Variants in ARHGAP15 observed in about 807,000 individuals in gnomAD.
The protein encoded by ARHGAP15 is Rho GTPase activating protein 15, also known as rho GTPase-activating protein 15.
In ARHGAP15, 51 loss-of-function variants were observed where a neutral mutation model predicts 63.7. That is an observed-to-expected ratio of 0.80 (90% CI 0.64 to 1.01). The LOEUF is 1.01. Ranked by LOEUF, ARHGAP15 falls within the 50% of genes least tolerant of loss-of-function variation. The pLI is 0.00. For missense variants in ARHGAP15, 560 were observed against 564.6 expected, an observed-to-expected ratio of 0.99 and a Z score of 0.08; for synonymous variants, 191 against 193.8, an observed-to-expected ratio of 0.99 and a Z score of 0.12.
In ARHGAP15 at chr2:143,487,396, T is replaced by C. The variant is rs1559004055; in HGVS notation, c.727T>C (p.Ser243Pro). Residue 243 changes from serine to proline, a missense_variant, in exon 9 of 14, where the codon TCC (serine) becomes CCC (proline). By Grantham distance (74) the Ser-to-Pro change is moderately conservative. Coordinates refer to ENST00000295095, the MANE Select transcript of ARHGAP15 (RefSeq NM_018460.4). ...AGTGTTCAGACTGCATCACAGTGCT[T>C]CCGATACAAGCGACAAAAATCGAGT... The part of the protein sequence containing the change: ...SLMFRLHHSA[S>P]DTSDKNRVKS... The C allele has an allele frequency of 6.2e-7, 1 of 1,613,772 alleles. No homozygotes were observed. The highest frequency in any genetic ancestry group is 8.5e-7 in the Non-Finnish European group (1 of 1,179,870).
intron 11 of ARHGAP15, among the ~76,000 whole-genome samples, chr2:143,602,016 A>G (rs186076620): frequency 6.6e-6 from 1 of 152,298 alleles, no homozygotes; most frequent in African/African-American, 2.4e-5. Context: ...AAAATCAGCT[A>G]GTCTTTTTTT....
chr2:143,636,086 CTTGAGTGTCCAGCAGGTGAAAGG>C (rs1680297740), intron 12 of ARHGAP15, among the ~76,000 whole-genome samples: 1 of 152,080 alleles, frequency 6.6e-6, no homozygotes, highest in African/African-American at 2.4e-5. Context: ...TTCTTCTCAC[CTTGAGTGTCCAGCAGGTGAAAGG>C]TTGACCCTTT....
intron 9 of ARHGAP15, among the ~76,000 whole-genome samples, chr2:143,498,333 G>T (rs1692910679): frequency 6.6e-6 from 1 of 151,980 alleles, no homozygotes. Context: ...TGCTATTCCT[G>T]CATTTTCTAT....
At chr2:143,566,930 C>T (rs1696251451) in intron 11 of ARHGAP15, among the ~76,000 whole-genome samples, 1 of 151,844 alleles carries the variant, frequency 6.6e-6, no homozygotes, top group African/African-American at 2.4e-5. Context: ...CTCTGTCGCC[C>T]AGTGCCACGA....
intron 13 of ARHGAP15, among the ~76,000 whole-genome samples, chr2:143,719,520 G>A (rs1684957127): frequency 6.6e-6 from 1 of 152,164 alleles, no homozygotes; most frequent in East Asian, 1.9e-4. Flanking sequence ...TTGCAACTCT[G>A]CCCTCTTGGC....
chr2:143,454,829 C>A (rs892620410), intron 8 of ARHGAP15, among the ~76,000 whole-genome samples: 1 of 152,008 alleles, frequency 6.6e-6, no homozygotes, highest in African/African-American at 2.4e-5. Context: ...ACAAAGATGA[C>A]GTAAACTCTA....
At chr2:143,683,237 G>T (rs1198045668) in intron 12 of ARHGAP15, among the ~76,000 whole-genome samples, 2 of 152,056 alleles carry the variant, frequency 1.3e-5, no homozygotes, top group African/African-American at 4.8e-5. Context: ...TTAAATTGAG[G>T]TGCAAGAGCA....
intron 6 of ARHGAP15, among the ~76,000 whole-genome samples, chr2:143,318,343 A>G (rs756116732): frequency 4.6e-5 from 7 of 152,032 alleles, no homozygotes; most frequent in Non-Finnish European, 1.0e-4. Context: ...TAAGGGTACT[A>G]ATATAAGCTG....
intron 12 of ARHGAP15, among the ~76,000 whole-genome samples, chr2:143,632,286 G>GT (rs1363129587): frequency 6.6e-6 from 1 of 151,960 alleles, no homozygotes; most frequent in Non-Finnish European, 1.5e-5. Flanking sequence ...CACTTTTGGT[G>GT]TTTTTTTCTG....
At chr2:143,263,809 C>T (rs1680855121) in intron 6 of ARHGAP15, among the ~76,000 whole-genome samples, 1 of 151,764 alleles carries the variant, frequency 6.6e-6, no homozygotes, top group Non-Finnish European at 1.5e-5. Flanking sequence ...AGGCTACCCT[C>T]CTCTCAAGAT....
intron 5 of ARHGAP15, among the ~76,000 whole-genome samples, chr2:143,244,614 C>T (rs777927975): frequency 4.3e-4 from 66 of 152,022 alleles, no homozygotes; most frequent in Non-Finnish European, 8.8e-5. Flanking sequence ...AATGGGAGAA[C>T]GCATAGAACC....
chr2:143,627,567 A>G (rs1698884315), intron 12 of ARHGAP15, among the ~76,000 whole-genome samples: 1 of 152,174 alleles, frequency 6.6e-6, no homozygotes, highest in Non-Finnish European at 1.5e-5. Flanking sequence ...ACCCCGTCAC[A>G]GGGCTTTATC....
intron 10 of ARHGAP15, among the ~76,000 whole-genome samples, chr2:143,551,738 G>A (rs545899900): frequency 2.7e-4 from 41 of 152,220 alleles, no homozygotes; most frequent in Non-Finnish European, 4.7e-4. Context: ...TGAAGGATGG[G>A]TGTCTCATAA....
intron 6 of ARHGAP15, among the ~76,000 whole-genome samples, chr2:143,369,648 G>A (rs1686456100): frequency 6.6e-6 from 1 of 152,080 alleles, no homozygotes; most frequent in Non-Finnish European, 1.5e-5. Context: ...CATAGATAAT[G>A]CAGGCATTTG....
At position 143,387,840 on chromosome 2, in the gene ARHGAP15, AGCACACACACACGCATGGAC is replaced by A. The variant is rs540108132; in HGVS notation, c.475-47755_475-47736del. ...ATACACATACACACACACGCATGCA[AGCACACACACACGCATGGAC>A]GCACATACACATACACGCATGCGTG... is the stretch of plus-strand genomic sequence containing the variant. On this transcript the variant is annotated intron_variant, in intron 6 of 13. Coordinates refer to ENST00000295095, the MANE Select transcript of ARHGAP15 (RefSeq NM_018460.4). 7.0e-4 allele frequency among the ~76,000 whole-genome samples: 104 copies of A among 147,880 alleles called. No individual in the cohort carries two copies. The South Asian group carries it at 0.014, about 20-fold the overall frequency.
chr2:143,540,528 C>T (rs36135964), intron 10 of ARHGAP15, among the ~76,000 whole-genome samples: 7,304 of 152,176 alleles, frequency 0.048, 302 homozygotes, highest in Non-Finnish European at 0.069. Flanking sequence ...TTGTTTCTTT[C>T]CATGTTTAGT....
chr2:143,572,969 T>TA (rs1013372333), intron 11 of ARHGAP15, among the ~76,000 whole-genome samples: 5 of 152,064 alleles, frequency 3.3e-5, no homozygotes, highest in Non-Finnish European at 7.4e-5. Context: ...ATTCATAAAT[T>TA]AAAAAAATAC....
intron 13 of ARHGAP15, among the ~76,000 whole-genome samples, chr2:143,762,039 C>T (rs1488484935): frequency 6.6e-6 from 1 of 152,126 alleles, no homozygotes; most frequent in Non-Finnish European, 1.5e-5. Flanking sequence ...CTATTTAAAA[C>T]TAAGCAGTAT....
chr2:143,351,987 T>C (rs978475490), intron 6 of ARHGAP15, among the ~76,000 whole-genome samples: 23 of 152,206 alleles, frequency 1.5e-4, no homozygotes, highest in African/African-American at 5.5e-4. Context: ...CTAGATACCA[T>C]TATCTTGGAC....
Sources: gnomAD v4.1 joint callset for allele counts (sites outside exome capture counted in the v4.1 genomes callset) on GRCh38, gnomAD v4.1.1 for gene constraint, MANE v1.5 for transcripts, NCBI Gene and HGNC (gene_info 2026-07-23, HGNC 2026-07-21) for gene names.